Variants in HEMK2 observed in about 807,000 individuals in gnomAD.
HEMK2 encodes HemK methyltransferase 2, ETF1 glutamine and histone H4 lysine.
the HEMK2 span, among the ~76,000 whole-genome samples, chr21:28,773,788 C>T: frequency 6.6e-6 from 1 of 152,124 alleles, no homozygotes; most frequent in Non-Finnish European, 1.5e-5. Context: ...ACCTGAAAGC[C>T]AGAACCTCAC....
At chr21:28,824,725 A>C in the HEMK2 span, among the ~76,000 whole-genome samples, 2 of 152,174 alleles carry the variant, frequency 1.3e-5, no homozygotes. Flanking sequence ...AAAATTATTC[A>C]AATAAGTAGT....
the HEMK2 span, among the ~76,000 whole-genome samples, chr21:28,590,083 C>T: frequency 6.6e-6 from 1 of 152,136 alleles, no homozygotes; most frequent in African/African-American, 2.4e-5. Context: ...CCCATGATGC[C>T]CCACATGGAG....
the HEMK2 span, among the ~76,000 whole-genome samples, chr21:28,787,045 C>A: frequency 2.0e-5 from 3 of 152,120 alleles, no homozygotes; most frequent in Non-Finnish European, 2.9e-5. Flanking sequence ...AGAGAGAACC[C>A]AGAAATAAAT....
At chr21:28,874,647 A>G in the HEMK2 span, 1 of 152,258 alleles carries the variant, frequency 6.6e-6, no homozygotes, top group South Asian at 2.1e-4. Context: ...AGAACAGGTT[A>G]TCTTGTCCAC....
At chr21:28,842,681 C>A in the HEMK2 span, among the ~76,000 whole-genome samples, 1 of 152,156 alleles carries the variant, frequency 6.6e-6, no homozygotes, top group African/African-American at 2.4e-5. Flanking sequence ...GAGGATAAAT[C>A]TTGGCTAGTC....
chr21:28,692,581 A>T, the HEMK2 span, among the ~76,000 whole-genome samples: 1 of 152,144 alleles, frequency 6.6e-6, no homozygotes, highest in Non-Finnish European at 1.5e-5. Flanking sequence ...AATGATTAAT[A>T]GTATATTTTA....
chr21:28,837,755 G>T, the HEMK2 span, among the ~76,000 whole-genome samples: 2 of 152,054 alleles, frequency 1.3e-5, no homozygotes, highest in Non-Finnish European at 2.9e-5. Flanking sequence ...CAAAAAGCTG[G>T]CTCTTTGAAA....
chr21:28,578,465 T>C, the HEMK2 span, among the ~76,000 whole-genome samples: 8 of 152,166 alleles, frequency 5.3e-5, no homozygotes, highest in Non-Finnish European at 1.0e-4. Flanking sequence ...TACTTGTTAG[T>C]TGCATATAAT....
chr21:28,698,050 A>C, the HEMK2 span, among the ~76,000 whole-genome samples: 4 of 152,218 alleles, frequency 2.6e-5, no homozygotes, highest in Non-Finnish European at 4.4e-5. Context: ...CTCTTCTATA[A>C]GGAGATGGAT....
the HEMK2 span, among the ~76,000 whole-genome samples, chr21:28,877,003 GGGA>G: frequency 6.8e-5 from 4 of 58,942 alleles, no homozygotes; most frequent in South Asian, 8.0e-4. Context: ...GAGGGAGGGA[GGGA>G]GGAAGGAAGG....
chr21:28,614,648 T>A, the HEMK2 span, among the ~76,000 whole-genome samples: 1 of 152,168 alleles, frequency 6.6e-6, no homozygotes, highest in African/African-American at 2.4e-5. Flanking sequence ...AAAGTCCTTA[T>A]ATAAATTAGA....
chr21:28,864,584 C>A, the HEMK2 span, among the ~76,000 whole-genome samples: 1 of 152,174 alleles, frequency 6.6e-6, no homozygotes, highest in African/African-American at 2.4e-5. Flanking sequence ...CTCTCCTCAA[C>A]CCGGACCCAT....
chr21:28,737,343 T>A, the HEMK2 span, among the ~76,000 whole-genome samples: 1 of 152,214 alleles, frequency 6.6e-6, no homozygotes, highest in Admixed American at 6.5e-5. Flanking sequence ...CAGAGTGGTC[T>A]TGAACTCCTG....
chr21:28,678,043 G>C, the HEMK2 span, among the ~76,000 whole-genome samples: 2 of 152,228 alleles, frequency 1.3e-5, no homozygotes, highest in African/African-American at 4.8e-5. Context: ...AAGCTGGATG[G>C]AGAATGACTT....
the HEMK2 span, among the ~76,000 whole-genome samples, chr21:28,608,574 G>A: frequency 6.6e-6 from 1 of 152,186 alleles, no homozygotes; most frequent in African/African-American, 2.4e-5. Flanking sequence ...TGAAGGAGGT[G>A]GATGGCTATT....
At chr21:28,816,773 T>C in the HEMK2 span, among the ~76,000 whole-genome samples, 1 of 152,334 alleles carries the variant, frequency 6.6e-6, no homozygotes, top group Non-Finnish European at 1.5e-5. Flanking sequence ...CCTAAAATGC[T>C]GCGCAAAGAA....
the HEMK2 span, among the ~76,000 whole-genome samples, chr21:28,680,075 AC>A: frequency 4.6e-5 from 7 of 152,230 alleles, no homozygotes; most frequent in African/African-American, 1.4e-4. Flanking sequence ...GGAAATAGAG[AC>A]ATAAAAAACC....
the HEMK2 span, among the ~76,000 whole-genome samples, chr21:28,738,236 T>C: frequency 6.6e-6 from 1 of 152,364 alleles, no homozygotes; most frequent in Non-Finnish European, 1.5e-5. Flanking sequence ...TTCTGTATTA[T>C]TTCCACATTT....
chr21:28,874,614 G>C, the HEMK2 span: 1 of 152,282 alleles, frequency 6.6e-6, no homozygotes, highest in African/African-American at 2.4e-5. Context: ...TGTGGCTGGA[G>C]AAAGAGGCCT....
Sources: gnomAD v4.1 joint callset for allele counts (sites outside exome capture counted in the v4.1 genomes callset) on GRCh38, gnomAD v4.1.1 for gene constraint, MANE v1.5 for transcripts, NCBI Gene and HGNC (gene_info 2026-07-23, HGNC 2026-07-21) for gene names.